Variants in PVT1 observed in about 807,000 individuals in gnomAD.
PVT1 encodes Pvt1 oncogene.
intron 4 of PVT1, among the ~76,000 whole-genome samples, chr8:128,004,410 G>T (rs73355681): frequency 2.0e-5 from 3 of 152,140 alleles, no homozygotes; most frequent in East Asian, 3.8e-4. Context: ...CTCTACATTT[G>T]CTCATCCTGG....
intron 4 of PVT1, among the ~76,000 whole-genome samples, chr8:128,059,999 G>A (rs1159143609): frequency 6.6e-6 from 1 of 152,224 alleles, no homozygotes; most frequent in African/African-American, 2.4e-5. Context: ...GCTCATGCCT[G>A]TAATCCTAGC....
At chr8:127,830,775 C>A (rs1814839853) in intron 2 of PVT1, among the ~76,000 whole-genome samples, 1 of 151,986 alleles carries the variant, frequency 6.6e-6, no homozygotes, top group Non-Finnish European at 1.5e-5. Context: ...GGAAGGCAGA[C>A]CCACCCTTAA....
At chr8:128,041,423 GTGTGTTTGTGTGCATGTGTA>G (rs1005366414) in intron 4 of PVT1, among the ~76,000 whole-genome samples, 161 of 148,822 alleles carry the variant, frequency 1.1e-3, no homozygotes, top group South Asian at 6.4e-4. Flanking sequence ...GTTTGTGCTC[GTGTGTTTGTGTGCATGTGTA>G]TGTGTTTGGC....
intron 4 of PVT1, among the ~76,000 whole-genome samples, chr8:127,998,605 T>C (rs1268747439): frequency 1.3e-5 from 2 of 150,430 alleles, no homozygotes; most frequent in African/African-American, 4.9e-5. Flanking sequence ...TTTTTTCTTT[T>C]CTTTCCTTCC....
chr8:127,963,947 T>G (rs1816675165), intron 3 of PVT1, among the ~76,000 whole-genome samples: 1 of 152,238 alleles, frequency 6.6e-6, no homozygotes, highest in Non-Finnish European at 1.5e-5. Context: ...TAGGATCGTT[T>G]ATTCGTCCAG....
At chr8:127,876,309 T>G (rs1158004223) in intron 2 of PVT1, among the ~76,000 whole-genome samples, 1 of 152,052 alleles carries the variant, frequency 6.6e-6, no homozygotes, top group African/African-American at 2.4e-5. Context: ...CTTGGTTTGC[T>G]ATGAATGCTG....
At chr8:127,991,138 TTC>T (rs1251731189) in intron 4 of PVT1, among the ~76,000 whole-genome samples, 78 of 78,108 alleles carry the variant, frequency 1.0e-3, no homozygotes, top group African/African-American at 3.7e-3. Context: ...TTTCTTTTCT[TTC>T]TTTTTTTTTT....
At chr8:128,092,037 G>A (rs1223275845) in intron 5 of PVT1, among the ~76,000 whole-genome samples, 1 of 152,162 alleles carries the variant, frequency 6.6e-6, no homozygotes, top group African/African-American at 2.4e-5. Flanking sequence ...CTTCTCCCCT[G>A]GGCCGTGTGC....
intron 4 of PVT1, among the ~76,000 whole-genome samples, chr8:128,067,771 A>T (rs928690234): frequency 2.0e-5 from 3 of 152,196 alleles, no homozygotes; most frequent in Admixed American, 2.0e-4. Context: ...TGGAGGAGTG[A>T]TGTGGGGCCT....
At chr8:127,889,093 T>C (rs866252921) in intron 2 of PVT1, among the ~76,000 whole-genome samples, 13 of 134,752 alleles carry the variant, frequency 9.6e-5, no homozygotes, top group African/African-American at 1.7e-4. Context: ...CCTTCCTTCC[T>C]TCCTTCCCTC....
intron 4 of PVT1, among the ~76,000 whole-genome samples, chr8:128,008,692 G>A (rs1330760164): frequency 6.6e-6 from 1 of 152,206 alleles, no homozygotes; most frequent in African/African-American, 2.4e-5. Context: ...TGGTGGTGAT[G>A]ATAATAAAAA....
At chr8:127,990,215 G>A (rs140992819) in intron 4 of PVT1, among the ~76,000 whole-genome samples, 8 of 152,200 alleles carry the variant, frequency 5.3e-5, no homozygotes, top group African/African-American at 1.4e-4. Context: ...TCCCCTGGAC[G>A]GCAGCGGGCT....
chr8:127,924,679 T>G (rs1816107811), intron 3 of PVT1, among the ~76,000 whole-genome samples: 1 of 152,118 alleles, frequency 6.6e-6, no homozygotes, highest in East Asian at 1.9e-4. Context: ...GCCCGACTAA[T>G]TTTTTGTATT....
chr8:128,058,299 T>C (rs1436231605), intron 4 of PVT1, among the ~76,000 whole-genome samples: 1 of 152,122 alleles, frequency 6.6e-6, no homozygotes, highest in Non-Finnish European at 1.5e-5. Context: ...CGTCTTATTA[T>C]AAAACAGTAC....
intron 4 of PVT1, among the ~76,000 whole-genome samples, chr8:128,057,980 T>A (rs556490992): frequency 6.6e-6 from 1 of 152,322 alleles, no homozygotes; most frequent in Admixed American, 6.5e-5. Flanking sequence ...TGTGAGGGTG[T>A]AAGCCAACCC....
chr8:127,918,493 C>T (rs939884314), intron 3 of PVT1, among the ~76,000 whole-genome samples: 3 of 152,192 alleles, frequency 2.0e-5, no homozygotes, highest in African/African-American at 7.2e-5. Flanking sequence ...CAACTGGAAC[C>T]ACTAGGCCCT....
At chr8:127,832,810 A>G (rs1299270617) in intron 2 of PVT1, among the ~76,000 whole-genome samples, 2 of 152,140 alleles carry the variant, frequency 1.3e-5, no homozygotes, top group Non-Finnish European at 2.9e-5. Context: ...GTGAGCTGAG[A>G]TCGCACCACT....
intron 3 of PVT1, among the ~76,000 whole-genome samples, chr8:127,922,632 C>G (rs1182591510): frequency 6.6e-6 from 1 of 152,204 alleles, no homozygotes; most frequent in Non-Finnish European, 1.5e-5. Context: ...GGACCCAGGA[C>G]TCCTTGAAGA....
At chr8:128,002,377 A>G (rs533508045) in intron 4 of PVT1, among the ~76,000 whole-genome samples, 15 of 152,324 alleles carry the variant, frequency 9.8e-5, no homozygotes, top group African/African-American at 3.6e-4. Flanking sequence ...CTTATTCAGT[A>G]GGATGTGCAG....
Sources: gnomAD v4.1 joint callset for allele counts (sites outside exome capture counted in the v4.1 genomes callset) on GRCh38, gnomAD v4.1.1 for gene constraint, MANE v1.5 for transcripts, NCBI Gene and HGNC (gene_info 2026-07-23, HGNC 2026-07-21) for gene names.